Variants in NTM observed in about 807,000 individuals in gnomAD.
The protein encoded by NTM is IgLON family member 2.
NTM carries 13 observed loss-of-function variants against 42.1 expected under a neutral mutation model. That is an observed-to-expected ratio of 0.31 (90% confidence interval 0.20 to 0.49). The LOEUF is 0.49. Ranked by LOEUF, NTM falls within the 20% of genes least tolerant of loss-of-function variation. The pLI is 0.99. For synonymous variants in NTM, 187 were observed against 179.2 expected (o/e 1.04, Z -0.35); for missense variants, 373 against 452.8 (o/e 0.82, Z 1.60).
intron 2 of NTM, among the ~76,000 whole-genome samples, chr11:131,925,376 C>G (rs138008400): frequency 1.5e-5 from 2 of 129,622 alleles, no homozygotes; most frequent in South Asian, 2.6e-4. Context: ...TTTTTTCTTT[C>G]TTTTCTCTTT....
intron 1 of NTM, among the ~76,000 whole-genome samples, chr11:131,590,915 C>A (rs1592144047): frequency 6.6e-6 from 1 of 152,180 alleles, no homozygotes; most frequent in African/African-American, 2.4e-5. Flanking sequence ...GATACCCAGT[C>A]ATCATTTGGG....
intron 3 of NTM, among the ~76,000 whole-genome samples, chr11:132,175,435 ACTAGAAC>A (rs1219613149): frequency 6.6e-6 from 1 of 152,166 alleles, no homozygotes; most frequent in Non-Finnish European, 1.5e-5. Context: ...TTTGGAATAT[ACTAGAAC>A]CTAGTCTATA....
intron 1 of NTM, among the ~76,000 whole-genome samples, chr11:131,880,668 C>A (rs2049321217): frequency 6.6e-6 from 1 of 152,174 alleles, no homozygotes; most frequent in Non-Finnish European, 1.5e-5. Flanking sequence ...TGGTTGTTAT[C>A]TATATTCTTA....
At chr11:131,982,374 A>G (rs1182737577) in intron 2 of NTM, among the ~76,000 whole-genome samples, 2 of 152,174 alleles carry the variant, frequency 1.3e-5, no homozygotes, top group African/African-American at 4.8e-5. Context: ...AGGGGCAAGA[A>G]CAAGGATGAA....
chr11:131,528,133 C>A (rs1006991298), intron 1 of NTM, among the ~76,000 whole-genome samples: 1 of 152,120 alleles, frequency 6.6e-6, no homozygotes, highest in Non-Finnish European at 1.5e-5. Flanking sequence ...TAACTTTCAC[C>A]TCTCTATCTT....
intron 1 of NTM, among the ~76,000 whole-genome samples, chr11:131,527,148 GT>G (rs2050612970): frequency 6.6e-6 from 1 of 152,132 alleles, no homozygotes. Context: ...AACCCCCCTG[GT>G]CTCCCAGAGC....
At chr11:132,217,935 C>T (rs1333444512) in intron 4 of NTM, among the ~76,000 whole-genome samples, 2 of 152,118 alleles carry the variant, frequency 1.3e-5, no homozygotes, top group South Asian at 2.1e-4. Context: ...AAGGCCTTCT[C>T]CTAGCCAAGC....
At chr11:132,317,461 T>C (rs2095459589) in intron 7 of NTM, among the ~76,000 whole-genome samples, 1 of 152,090 alleles carries the variant, frequency 6.6e-6, no homozygotes, top group African/African-American at 2.4e-5. Flanking sequence ...TATGGAAACA[T>C]AAAGCATGTC....
intron 1 of NTM, among the ~76,000 whole-genome samples, chr11:131,442,817 G>GTATA (rs530534055): frequency 1.3e-5 from 2 of 149,908 alleles, no homozygotes; most frequent in Admixed American, 6.7e-5. Flanking sequence ...ATATGTGTGT[G>GTATA]TATATATATA....
At chr11:131,874,055 A>ATG (rs2048243771) in intron 1 of NTM, among the ~76,000 whole-genome samples, 4 of 102,438 alleles carry the variant, frequency 3.9e-5, no homozygotes, top group African/African-American at 1.3e-4. Flanking sequence ...ATATATATAT[A>ATG]TATATATATA....
chr11:132,037,709 A>G (rs1285861312), intron 2 of NTM, among the ~76,000 whole-genome samples: 1 of 152,310 alleles, frequency 6.6e-6, no homozygotes, highest in East Asian at 1.9e-4. Flanking sequence ...AGTCATTAAC[A>G]CGCTCTCCTA....
At chr11:131,960,160 T>G (rs2134487832) in intron 2 of NTM, among the ~76,000 whole-genome samples, 1 of 152,294 alleles carries the variant, frequency 6.6e-6, no homozygotes, top group Middle Eastern at 3.4e-3. Context: ...AAGGGGCAAG[T>G]TAAGGCCTAC....
In NTM at chr11:131,420,931, C is replaced by T. The variant is rs149967498; in HGVS notation, c.82+50043C>T. ...CCTCCTCTGCTTCACGCAGACCACA[C>T]TCTGGAGCTTCCCACCCATTCTCTA... On this transcript the variant is annotated intron_variant, in intron 1 of 8. Coordinates refer to ENST00000683400, the MANE Select transcript of NTM (RefSeq NM_001352005.2). Among the ~76,000 whole-genome samples, 421 of 152,220 alleles carry T rather than the reference C, an allele frequency of 2.8e-3. 2 individuals carry two copies. Among genetic ancestry groups the T allele is most frequent in the Middle Eastern group, 0.01 (3 of 292 alleles).
At chr11:132,021,500 G>A (rs2074328736) in intron 2 of NTM, among the ~76,000 whole-genome samples, 2 of 151,812 alleles carry the variant, frequency 1.3e-5, no homozygotes, top group African/African-American at 4.8e-5. Context: ...AATATTCCTA[G>A]CCTCACTTTT....
chr11:131,610,284 G>A (rs1206145850), intron 1 of NTM, among the ~76,000 whole-genome samples: 1 of 152,202 alleles, frequency 6.6e-6, no homozygotes, highest in Non-Finnish European at 1.5e-5. Context: ...CAGAATCAAA[G>A]GCTTTGGATT....
At chr11:132,040,286 G>A (rs971026716) in intron 2 of NTM, among the ~76,000 whole-genome samples, 3 of 152,126 alleles carry the variant, frequency 2.0e-5, no homozygotes, top group African/African-American at 4.8e-5. Context: ...ATTTCTGTTT[G>A]TATCTCAGTT....
chr11:132,066,141 C>T lies in NTM; in HGVS notation c.168-80141C>T, dbSNP rs187743259. 1.1e-4 allele frequency among the ~76,000 whole-genome samples: 17 copies of T among 152,226 alleles called. No individual in the cohort carries two copies. The East Asian group carries it at 2.9e-3, about 26-fold the overall frequency. Reference sequence around the variant, plus strand: ...ATTTTATCTCTTTGTCATTATCATCCCCCTTCCAACCCTTTTCAGCACCAT... The same window carrying T: ...ATTTTATCTCTTTGTCATTATCATCTCCCTTCCAACCCTTTTCAGCACCAT... On this transcript the variant is annotated intron_variant, in intron 2 of 8. Transcript: ENST00000683400.
chr11:131,609,066 G>A (rs1225190838), intron 1 of NTM, among the ~76,000 whole-genome samples: 3 of 152,142 alleles, frequency 2.0e-5, no homozygotes, highest in Admixed American at 6.5e-5. Flanking sequence ...ACAAAACTGG[G>A]GGTGCATGGG....
chr11:131,900,958 C>T (rs1182941752), intron 1 of NTM, among the ~76,000 whole-genome samples: 1 of 152,150 alleles, frequency 6.6e-6, no homozygotes, highest in East Asian at 1.9e-4. Flanking sequence ...AGAAAGCAAT[C>T]TATAGTATCA....
Sources: gnomAD v4.1 joint callset for allele counts (sites outside exome capture counted in the v4.1 genomes callset) on GRCh38, gnomAD v4.1.1 for gene constraint, MANE v1.5 for transcripts, NCBI Gene and HGNC (gene_info 2026-07-23, HGNC 2026-07-21) for gene names.